The following SPRR2B variants were observed in gnomAD, a reference collection of about 807,000 sequenced individuals.
SPRR2B encodes the protein small proline rich protein 2B.
In SPRR2B, 1 loss-of-function variant was observed where a neutral mutation model predicts 1.0. That is an observed-to-expected ratio of 1.01 (90% CI 0.36 to 4.77). The LOEUF (loss-of-function observed/expected upper bound fraction) is 4.77. Ranked by LOEUF, SPRR2B falls within the 30% of genes most tolerant of loss-of-function variation. SPRR2B has a pLI of 0.16. For missense variants in SPRR2B, 53 were observed against 88.7 expected (o/e 0.60, Z 1.62); for synonymous variants, 27 against 33.4 (o/e 0.81, Z 0.66).
At chr1:153,087,720 C>G in the SPRR2B span, among the ~76,000 whole-genome samples, 15 of 152,110 alleles carry the variant, frequency 9.9e-5, no homozygotes, top group Admixed American at 5.2e-4. Flanking sequence ...GTGAAAGGAC[C>G]AATAATGAGC....
At chr1:153,078,047 G>A in the SPRR2B span, among the ~76,000 whole-genome samples, 2 of 152,036 alleles carry the variant, frequency 1.3e-5, no homozygotes, top group African/African-American at 2.4e-5. Flanking sequence ...ACAGAAAAGA[G>A]TAAATGCAGA....
chr1:153,080,120 C>A, the SPRR2B span, among the ~76,000 whole-genome samples: 1 of 55,606 alleles, frequency 1.8e-5, no homozygotes, highest in South Asian at 3.8e-4. Flanking sequence ...CCAAGAAAAC[C>A]TAGAAAATAT....
At chr1:153,079,772 G>T in the SPRR2B span, among the ~76,000 whole-genome samples, 2 of 152,044 alleles carry the variant, frequency 1.3e-5, no homozygotes, top group African/African-American at 4.8e-5. Context: ...CTGTAGCCTT[G>T]TAGTATAGTT....
chr1:153,087,464 G>C, the SPRR2B span, among the ~76,000 whole-genome samples: 1 of 152,020 alleles, frequency 6.6e-6, no homozygotes, highest in African/African-American at 2.4e-5. Context: ...AATCCAGGAG[G>C]TGGTTCTTGA....
chr1:153,085,310 T>C, the SPRR2B span, among the ~76,000 whole-genome samples: 1 of 152,182 alleles, frequency 6.6e-6, no homozygotes, highest in Non-Finnish European at 1.5e-5. Flanking sequence ...ACTGACAAAA[T>C]AGCCAGTAAA....
chr1:153,073,799 C>T (rs926075910), upstream of SPRR2B, among the ~76,000 whole-genome samples: 3 of 152,002 alleles, frequency 2.0e-5, no homozygotes, highest in Non-Finnish European at 4.4e-5. Flanking sequence ...CTTTAAGAGT[C>T]TGATAGCCTT....
the SPRR2B span, among the ~76,000 whole-genome samples, chr1:153,085,411 G>C: frequency 6.7e-6 from 1 of 150,216 alleles, no homozygotes; most frequent in Non-Finnish European, 1.5e-5. Flanking sequence ...ATTAACATCT[G>C]AATAGACCAG....
chr1:153,079,799 G>GATGCCTCC, the SPRR2B span, among the ~76,000 whole-genome samples: 2 of 152,062 alleles, frequency 1.3e-5, no homozygotes, highest in South Asian at 4.1e-4. Context: ...CAGGTAGCAT[G>GATGCCTCC]ATGCCTCCAG....
chr1:153,072,287 C>T (rs1265668950), upstream of SPRR2B, among the ~76,000 whole-genome samples: 1 of 152,300 alleles, frequency 6.6e-6, no homozygotes, highest in Non-Finnish European at 1.5e-5. Flanking sequence ...AGGACAGACA[C>T]CAGAGTGAGA....
At chr1:153,083,879 A>T in the SPRR2B span, among the ~76,000 whole-genome samples, 1 of 152,196 alleles carries the variant, frequency 6.6e-6, no homozygotes, top group African/African-American at 2.4e-5. Flanking sequence ...AGGGCTAGGG[A>T]TGGCCATCTC....
the SPRR2B span, among the ~76,000 whole-genome samples, chr1:153,081,809 C>CCTTTT: frequency 0.13 from 19,161 of 145,570 alleles, 2,246 homozygotes; most frequent in East Asian, 0.49. Flanking sequence ...AGTCAATTTT[C>CCTTTT]CTTTTCTTTT....
the SPRR2B span, among the ~76,000 whole-genome samples, chr1:153,076,784 A>G: frequency 6.6e-6 from 1 of 152,238 alleles, no homozygotes; most frequent in East Asian, 1.9e-4. Context: ...AATATCCACT[A>G]TCTGTGATCT....
At chr1:153,080,504 A>G in the SPRR2B span, among the ~76,000 whole-genome samples, 2 of 152,178 alleles carry the variant, frequency 1.3e-5, no homozygotes, top group African/African-American at 4.8e-5. Flanking sequence ...ATAAAACTAA[A>G]AACTTATAAT....
At chr1:153,081,896 C>T in the SPRR2B span, among the ~76,000 whole-genome samples, 1 of 149,732 alleles carries the variant, frequency 6.7e-6, no homozygotes, top group East Asian at 2.0e-4. Context: ...AATCTTGGCT[C>T]ACTGCAACCT....
chr1:153,075,566 C>A (rs938778518), upstream of SPRR2B, among the ~76,000 whole-genome samples: 5 of 151,902 alleles, frequency 3.3e-5, no homozygotes, highest in Non-Finnish European at 7.4e-5. Context: ...AATAATAGTA[C>A]CTACTACTAA....
chr1:153,079,652 T>C, the SPRR2B span, among the ~76,000 whole-genome samples: 1 of 152,176 alleles, frequency 6.6e-6, no homozygotes, highest in African/African-American at 2.4e-5. Context: ...TTTTGTCAGG[T>C]TTGTCAAAGA....
Position 153,070,370 on chromosome 1 carries a change from C to A in SPRR2B, c.*251G>T. On this transcript the variant is annotated 3_prime_UTR_variant, in exon 2 of 2. Coordinates refer to ENST00000368755, the MANE Select transcript of SPRR2B (RefSeq NM_001388198.1). The stretch of plus-strand genomic sequence containing the variant: ...CCCAGGCACACAGCTGCAGCTCTTT[C>A]TGCTGAAGCTCTGGGAACTGACAAA... 1.5e-6 allele frequency: 1 copy of A among 648,136 alleles called. No individual in the cohort carries two copies. Among genetic ancestry groups the A allele is most frequent in the Non-Finnish European group, 2.5e-6 (1 of 393,254 alleles). The allele number at this position is 648,136 out of a possible 1,614,324, so 40.1% of individuals were successfully genotyped here. A position where few individuals can be genotyped will look rare whatever the true frequency, so the allele number is the denominator to read the frequency against.
chr1:153,085,394 C>A, the SPRR2B span, among the ~76,000 whole-genome samples: 6 of 152,032 alleles, frequency 3.9e-5, no homozygotes, highest in African/African-American at 9.7e-5. Context: ...ATAATGCAAT[C>A]ACAAGCATTA....
At chr1:153,080,339 A>C in the SPRR2B span, among the ~76,000 whole-genome samples, 1 of 152,116 alleles carries the variant, frequency 6.6e-6, no homozygotes, top group African/African-American at 2.4e-5. Flanking sequence ...AATATAGAAC[A>C]CTCCACCCAA....
Sources: allele counts gnomAD v4.1 joint callset (sites outside exome capture counted in the v4.1 genomes callset), GRCh38; gene constraint gnomAD v4.1.1; transcripts MANE v1.5; gene names NCBI Gene and HGNC (gene_info 2026-07-23, HGNC 2026-07-21).